The following MYH4 variants were observed in gnomAD, a reference collection of about 807,000 sequenced individuals.
The protein encoded by MYH4 is myosin-4.
In MYH4, 200 loss-of-function variants were observed where a neutral mutation model predicts 229.9. The observed-to-expected ratio is 0.87, with a 90% CI of 0.78 to 0.98. MYH4 has a LOEUF of 0.98. Among genes scored for constraint, MYH4 ranks in the 50% least tolerant of loss-of-function variants. The probability of loss-of-function intolerance (pLI) is 0.00; values close to 1 mark genes in which losing one functional copy is unlikely to be tolerated. For missense variants in MYH4, 2,148 were observed against 2,332.6 expected, an observed-to-expected ratio of 0.92 and a Z score of 1.63; for synonymous variants, 761 against 834.6, an observed-to-expected ratio of 0.91 and a Z score of 1.52.
rs766383395 is a variant in MYH4 at position 10,448,791 on chromosome 17, T to C, written c.4366-8A>G. The C allele has an allele frequency of 3.7e-6, 6 of 1,613,498 alleles. 1 individual carries two copies. In the South Asian group the frequency reaches 5.5e-5, roughly 15 times the overall value. On this transcript the variant is annotated splice_region_variant and splice_polypyrimidine_tract_variant and intron_variant, in intron 31 of 39. Coordinates refer to ENST00000255381, the MANE Select transcript of MYH4 (RefSeq NM_017533.2). ...TTTCCATTCTGCCAGAACCTGGAAG[T>C]ATATAGAAAATAAGCCTTTGAAACC... is the stretch of plus-strand genomic sequence containing the variant.
intron 30 of MYH4, among the ~76,000 whole-genome samples, chr17:10,450,044 T>C (rs1197873713): frequency 6.6e-6 from 1 of 152,220 alleles, no homozygotes; most frequent in Non-Finnish European, 1.5e-5. Context: ...TATGACAACC[T>C]TAATATAAAC....
At chr17:10,459,156 C>T in intron 15 of MYH4, 95 bp downstream of exon 15, 12 of 1,590,866 alleles carry the variant, frequency 7.5e-6, no homozygotes, top group Non-Finnish European at 1.0e-5. Context: ...CAGGAAACAG[C>T]ACTGCTTGTT....
chr17:10,448,734 T>C lies in MYH4; in HGVS notation c.4415A>G (p.Glu1472Gly), dbSNP rs1567699060. ...QKYEETQAEL[E>G]ASQKESRSLS... ...AGAACGCGACTCCTTCTGGGAGGCC[T>C]CAAGTTCAGCCTGAGTTTCCTCATA... The change falls in exon 32 of 40, where the codon GAG (glutamate) becomes GGG (glycine). Residue 1472 changes from glutamate to glycine, a missense_variant. Glu to Gly is a moderately conservative substitution (Grantham distance 98, BLOSUM62 -2). Coordinates refer to ENST00000255381, the MANE Select transcript of MYH4 (RefSeq NM_017533.2). 2 of 1,614,130 alleles carry C rather than the reference T, an allele frequency of 1.2e-6. No homozygotes were observed. The highest frequency in any genetic ancestry group is 1.6e-4 in the Middle Eastern group (1 of 6,062).
At position 10,453,932 on chromosome 17, in the gene MYH4, A is replaced by G. The variant is rs2072608159; in HGVS notation, c.2692-47T>C. 4 of 1,606,256 alleles carry G rather than the reference A, an allele frequency of 2.5e-6. No individual in the cohort carries two copies. The Admixed American group carries it at 5.1e-5, about 20-fold the overall frequency. On this transcript the variant is annotated intron_variant, in intron 22 of 39. Transcript: ENST00000255381. ...TTTCATTTGTCTGAGCTATATCTATAAGCACACAATAATTTATTATAAGGT... is the reference window on the plus strand; with the variant it reads ...TTTCATTTGTCTGAGCTATATCTATGAGCACACAATAATTTATTATAAGGT...
chr17:10,443,322 G>T lies in MYH4; in HGVS notation c.*53C>A. 1 of 1,579,774 alleles carries T rather than the reference G, an allele frequency of 6.3e-7. No homozygotes were observed. The highest frequency in any genetic ancestry group is 1.1e-5 in the South Asian group (1 of 89,582). ...CCTTGATATACAGGACAGTGACAAA[G>T]AACTTCACATTTCGTGCATTTCTTT... On this transcript the variant is annotated 3_prime_UTR_variant, in exon 40 of 40. Coordinates refer to ENST00000255381, the MANE Select transcript of MYH4 (RefSeq NM_017533.2). The surrounding 1 kb of genome is among the most constrained non-coding windows in gnomAD (Gnocchi z 4.6).
intron 20 of MYH4, 42 bp from the exon 21 acceptor site, chr17:10,455,119 GA>G (rs747825544): frequency 1.2e-6 from 2 of 1,613,968 alleles, no homozygotes; most frequent in Non-Finnish European, 8.5e-7. Flanking sequence ...CCACTTACAG[GA>G]AAGTCTAAAA....
chr17:10,449,376 C>T lies in MYH4; in HGVS notation c.4182-329G>A, dbSNP rs77221505. On this transcript the variant is annotated intron_variant, in intron 30 of 39. Coordinates refer to ENST00000255381, the MANE Select transcript of MYH4 (RefSeq NM_017533.2). ...TTTGTTTTTATTTCACTAAGCTGGC[C>T]CTCTATAGTGTGGCACATTTTCTTG... Among the ~76,000 whole-genome samples, 224 of 152,136 alleles carry T rather than the reference C, an allele frequency of 1.5e-3. 3 individuals are homozygous for T. Among genetic ancestry groups the T allele is most frequent in the East Asian group, 0.011 (59 of 5,182 alleles).
At chr17:10,457,787 G>C in intron 15 of MYH4, 58 bp from the exon 16 acceptor site, 1 of 1,525,612 alleles carries the variant, frequency 6.6e-7, no homozygotes, top group South Asian at 1.3e-5. Context: ...TATGCTCCAT[G>C]TAATTGATGG....
chr17:10,448,421 A>T lies in MYH4; in HGVS notation c.4631T>A (p.Leu1544Gln), dbSNP rs762118343. 5 of 1,613,834 alleles carry T rather than the reference A, an allele frequency of 3.1e-6. No homozygotes were observed. The highest frequency in any genetic ancestry group is 3.3e-5 in the Admixed American group (2 of 59,986). Residue 1544 changes from leucine to glutamine, a missense_variant, in exon 33 of 40, where the codon CTA becomes CAA. Physicochemically the swap from Leu to Gln is moderately radical, Grantham distance 113. Coordinates refer to ENST00000255381, the MANE Select transcript of MYH4 (RefSeq NM_017533.2). ...CTCTGCTTCCTCTAGGGAAGTCTGTAGTTCACTCTTCTCATGATCAAGTTG... is the reference window on the plus strand; with the variant it reads ...CTCTGCTTCCTCTAGGGAAGTCTGTTGTTCACTCTTCTCATGATCAAGTTG... ...KKQLDHEKSE[L>Q]QTSLEEAEAS...
At position 10,463,558 on chromosome 17, in the gene MYH4, G is replaced by GA; in HGVS notation, c.733dup (p.Ser245PhefsTer5). On this transcript the variant is annotated frameshift_variant, in exon 8 of 40. Transcript: ENST00000255381. LOFTEE classifies it high-confidence loss of function. ...GAAGATCAAGAGACTTACAAAGCGAGAGGAGTTGTCATTCCTCACGGTCTT... is the reference window on the plus strand; with the variant it reads ...GAAGATCAAGAGACTTACAAAGCGAGAAGGAGTTGTCATTCCTCACGGTCTT... 6.2e-7 allele frequency: 1 copy of GA among 1,612,052 alleles called. No homozygotes were observed. The highest frequency in any genetic ancestry group is 1.1e-5 in the South Asian group (1 of 91,020).
chr17:10,453,849 C>A lies in MYH4; in HGVS notation c.2728G>T (p.Asp910Tyr). The A allele has an allele frequency of 6.2e-7, 1 of 1,614,088 alleles. No homozygotes were observed. The highest frequency in any genetic ancestry group is 8.5e-7 in the Non-Finnish European group (1 of 1,180,014). The change falls in exon 23 of 40, where the codon GAT (aspartate) becomes TAT (tyrosine). Residue 910 changes from aspartate (D) to tyrosine (Y), a missense_variant. Asp to Tyr is a radical substitution (Grantham distance 160). Transcript: ENST00000255381. ...TGGATTTTGGTTTTAATCAACTGAT[C>A]ACATCTTTCCTCTGCATCAGCCAAG... ...DALADAEERC[D>Y]QLIKTKIQLE...
At chr17:10,451,564 A>G in intron 27 of MYH4, 112 bp from the exon 28 acceptor site, 2 of 1,214,438 alleles carry the variant, frequency 1.6e-6, no homozygotes, top group Non-Finnish European at 1.1e-6. Flanking sequence ...TTACTTTTCT[A>G]TCAATCTTGC....
chr17:10,448,854 T>C lies in MYH4; in HGVS notation c.4365+10A>G, dbSNP rs1196840851. 2 of 1,613,958 alleles carry C rather than the reference T, an allele frequency of 1.2e-6. No homozygotes were observed. The highest frequency in any genetic ancestry group is 1.1e-5 in the South Asian group (1 of 91,042). On this transcript the variant is annotated intron_variant, in intron 31 of 39. Transcript: ENST00000255381. Reference sequence around the variant, plus strand: ...AGTTTCCCCCAAGGGGAGCTGGTACTGTGGACCACCTTGTCAAAGTTTCTT... The same window carrying C: ...AGTTTCCCCCAAGGGGAGCTGGTACCGTGGACCACCTTGTCAAAGTTTCTT...
At chr17:10,445,386 A>AGG (rs1311804435) in intron 35 of MYH4, 24 bp from the exon 36 acceptor site, 10 of 1,594,686 alleles carry the variant, frequency 6.3e-6, no homozygotes, top group Non-Finnish European at 8.5e-6. Context: ...ATGAAAGAGA[A>AGG]GAGAAGCACA....
chr17:10,452,282 G>T lies in MYH4; in HGVS notation c.3397C>A (p.Arg1133=). 6.2e-7 allele frequency: 1 copy of T among 1,614,044 alleles called. No homozygotes were observed. The highest frequency in any genetic ancestry group is 8.5e-7 in the Non-Finnish European group (1 of 1,180,028). The change falls in exon 27 of 40, where the codon CGG becomes AGG. Residue 1133 remains arginine (R), a synonymous_variant. Transcript: ENST00000255381. ...EEEIEAERAS[R]AKAEKQRSDL... is the part of the protein sequence containing the mutation. ...GAGCGCTGCTTCTCTGCTTTGGCCC[G>T]GGAGGCCCGCTCTGCCTCGATTTCC...
At position 10,463,577 on chromosome 17, in the gene MYH4, C is replaced by T. The variant is rs377612250; in HGVS notation, c.715G>A (p.Val239Met). ...LLEAFGNAKT[V>M]RNDNSSRFGK... ...AAGCGAGAGGAGTTGTCATTCCTCA[C>T]GGTCTTGGCATTGCCGAAGGCTTCC... The change falls in exon 8 of 40, where the codon GTG becomes ATG. Residue 239 changes from valine to methionine, a missense_variant. Coordinates refer to ENST00000255381, the MANE Select transcript of MYH4 (RefSeq NM_017533.2). The T allele has an allele frequency of 8.6e-5, 139 of 1,613,484 alleles. No individual in the cohort carries two copies. The highest frequency in any genetic ancestry group is 6.4e-4 in the South Asian group (58 of 91,032).
At position 10,457,508 on chromosome 17, in the gene MYH4, G is replaced by C. The variant is rs1397971569; in HGVS notation, c.1809C>G (p.Pro603=). ...ACAGCCCCACCACAGTCTCATTCAG[G>C]GGGTCCTTGTTTTTGTCCAGCCAGC... ...IAGWLDKNKD[P]LNETVVGLYQ... is the part of the protein sequence containing the mutation. The change falls in exon 16 of 40, where the codon CCC becomes CCG. Residue 603 remains proline, a synonymous_variant. Transcript: ENST00000255381. 8 of 1,614,206 alleles carry C rather than the reference G, an allele frequency of 5.0e-6. No individual in the cohort carries two copies. Among genetic ancestry groups the C allele is most frequent in the Non-Finnish European group, 5.9e-6 (7 of 1,180,036 alleles).
chr17:10,465,964 C>T (rs1035272880), intron 4 of MYH4, among the ~76,000 whole-genome samples: 2 of 151,070 alleles, frequency 1.3e-5, no homozygotes, highest in African/African-American at 4.9e-5. Flanking sequence ...TTAGTAGAGA[C>T]GGGGTTTCAC....
At position 10,455,620 on chromosome 17, in the gene MYH4, T is replaced by G. The variant is rs1267988018; in HGVS notation, c.2168A>C (p.Lys723Thr). 1 of 1,613,928 alleles carries G rather than the reference T, an allele frequency of 6.2e-7. No homozygotes were observed. The highest frequency in any genetic ancestry group is 8.5e-7 in the Non-Finnish European group (1 of 1,179,892). The part of the protein sequence containing the change: ...FPSRILYADF[K>T]QRYKVLNASA... ...AAAATAATGAGACACAAACCTCTGT[T>G]TGAAGTCTGCATAAAGGATTCTGCT... Residue 723 changes from lysine (K) to threonine (T), a missense_variant, in exon 19 of 40, where the codon AAA becomes ACA. Transcript: ENST00000255381.
Sources: allele counts gnomAD v4.1 joint callset (sites outside exome capture counted in the v4.1 genomes callset), GRCh38; gene constraint gnomAD v4.1.1; non-coding constraint Gnocchi (gnomAD v3.1); transcripts MANE v1.5; gene names NCBI Gene and HGNC (gene_info 2026-07-23, HGNC 2026-07-21).